PLXNA4: variants seen among roughly 807,000 people sequenced by gnomAD.
The protein encoded by PLXNA4 is plexin A4, also known as plexin-A4.
Under a neutral mutation model 191.8 loss-of-function variants are expected in PLXNA4, and 44 were observed. That is an observed-to-expected ratio of 0.23 (90% CI 0.18 to 0.29). The LOEUF is 0.29. PLXNA4 is among the 10% of genes least tolerant of loss of function. PLXNA4 has a pLI of 1.00. For missense variants in PLXNA4, 1,800 were observed against 2,488.8 expected (o/e 0.72, Z 5.89); for synonymous variants, 1,082 against 1,009.5 (o/e 1.07, Z -1.36).
intron 3 of PLXNA4, among the ~76,000 whole-genome samples, chr7:132,360,370 T>C (rs1803885582): frequency 6.6e-6 from 1 of 152,132 alleles, no homozygotes; most frequent in African/African-American, 2.4e-5. Context: ...ATATGCTCTG[T>C]CAATTATTCA....
chr7:132,295,957 A>G (rs1801062246), intron 4 of PLXNA4, among the ~76,000 whole-genome samples: 1 of 152,240 alleles, frequency 6.6e-6, no homozygotes, highest in Non-Finnish European at 1.5e-5. Flanking sequence ...AAGGTTAGGA[A>G]CTTACCAGAG....
intron 2 of PLXNA4, among the ~76,000 whole-genome samples, chr7:132,591,234 G>C (rs1477997933): frequency 3.3e-5 from 5 of 152,228 alleles, no homozygotes; most frequent in African/African-American, 1.2e-4. Context: ...CAGGGCCCAT[G>C]TTGGGGACAA....
intron 1 of PLXNA4, among the ~76,000 whole-genome samples, chr7:132,572,815 G>A (rs1411094935): frequency 6.6e-6 from 1 of 152,176 alleles, no homozygotes; most frequent in Non-Finnish European, 1.5e-5. Flanking sequence ...CTTTTAAAGA[G>A]ACAGTGTCCT....
At chr7:132,490,848 C>G (rs1252697260) in intron 2 of PLXNA4, among the ~76,000 whole-genome samples, 1 of 152,182 alleles carries the variant, frequency 6.6e-6, no homozygotes, top group African/African-American at 2.4e-5. Flanking sequence ...TTTCAGAAGT[C>G]AGGAAGCTTT....
intron 3 of PLXNA4, among the ~76,000 whole-genome samples, chr7:132,482,827 G>A (rs1797390798): frequency 6.6e-6 from 1 of 151,860 alleles, no homozygotes; most frequent in Non-Finnish European, 1.5e-5. Context: ...TGAGTAGCTG[G>A]GATTACAGGT....
rs7778553 is a variant in PLXNA4, at chr7:132,190,925, A to C, written c.2856+3137T>G. On this transcript the variant is annotated intron_variant, in intron 14 of 31. Transcript: ENST00000321063. ...AGTCAGATGTCTGGAGTCCCAGTAA[A>C]TGGGGTGGGGTGCAGGGCCTGTGGA... is the stretch of plus-strand genomic sequence containing the variant. 2.6e-4 allele frequency among the ~76,000 whole-genome samples: 39 copies of C among 152,174 alleles called. No individual in the cohort carries two copies. The East Asian group carries it at 7.4e-3, about 29-fold the overall frequency.
intron 1 of PLXNA4, among the ~76,000 whole-genome samples, chr7:132,544,040 G>T (rs1800190852): frequency 6.6e-6 from 1 of 152,198 alleles, no homozygotes; most frequent in South Asian, 2.1e-4. Flanking sequence ...AGGACAGAGG[G>T]AGAAAAGTAA....
chr7:132,416,641 T>A (rs937903904), intron 3 of PLXNA4, among the ~76,000 whole-genome samples: 3 of 152,222 alleles, frequency 2.0e-5, no homozygotes, highest in Admixed American at 2.0e-4. Flanking sequence ...TGCTGCATCT[T>A]CCTTTCTTAT....
intron 3 of PLXNA4, among the ~76,000 whole-genome samples, chr7:132,391,879 C>T (rs1474232795): frequency 6.6e-6 from 1 of 152,162 alleles, no homozygotes; most frequent in East Asian, 1.9e-4. Flanking sequence ...GTAATCCCAG[C>T]ACTTTGGGAG....
intron 3 of PLXNA4, among the ~76,000 whole-genome samples, chr7:132,305,545 T>A (rs1192647028): frequency 6.6e-6 from 1 of 152,128 alleles, no homozygotes; most frequent in East Asian, 1.9e-4. Context: ...CCTATCTCCA[T>A]CCCTGGCACG....
chr7:132,383,556 CT>C, intron 3 of PLXNA4: 2 of 983,246 alleles, frequency 2.0e-6, no homozygotes, highest in Non-Finnish European at 2.4e-6. Context: ...TTGTCTCATG[CT>C]TTTTCACTGA....
chr7:132,231,334 T>G (rs1798515261), intron 5 of PLXNA4, among the ~76,000 whole-genome samples: 1 of 152,224 alleles, frequency 6.6e-6, no homozygotes, highest in Non-Finnish European at 1.5e-5. Flanking sequence ...TCTTATCCTT[T>G]CTCTGACATC....
chr7:132,160,158 A>C (rs1435198938), intron 24 of PLXNA4, among the ~76,000 whole-genome samples: 1 of 152,176 alleles, frequency 6.6e-6, no homozygotes, highest in East Asian at 1.9e-4. Flanking sequence ...TCTTTCTCCA[A>C]ATATTTCACA....
At chr7:132,224,787 G>A (rs904321334) in intron 8 of PLXNA4, among the ~76,000 whole-genome samples, 6 of 152,152 alleles carry the variant, frequency 3.9e-5, no homozygotes, top group Non-Finnish European at 2.9e-5. Context: ...AGGGCCGGAT[G>A]CCTTCTTACT....
At chr7:132,405,058 ATGTGTGTGTGTGTATGTGTGTG>A (rs918029624) in intron 3 of PLXNA4, among the ~76,000 whole-genome samples, 1 of 66,812 alleles carries the variant, frequency 1.5e-5, no homozygotes, top group Admixed American at 2.0e-4. Context: ...AGCTGAGGGT[ATGTGTGTGTGTGTATGTGTGTG>A]TGTGTGTGTG....
At chr7:132,438,439 G>C (rs1187376267) in intron 3 of PLXNA4, among the ~76,000 whole-genome samples, 1 of 152,072 alleles carries the variant, frequency 6.6e-6, no homozygotes, top group African/African-American at 2.4e-5. Flanking sequence ...AAATAGGGTA[G>C]GTAGATACAT....
At chr7:132,644,460 C>T (rs1250034721) in intron 2 of PLXNA4, among the ~76,000 whole-genome samples, 1 of 152,210 alleles carries the variant, frequency 6.6e-6, no homozygotes, top group Non-Finnish European at 1.5e-5. Flanking sequence ...TTCTGCCTGG[C>T]AGCTTCTGCC....
At chr7:132,284,421 T>C (rs756749393) in intron 4 of PLXNA4, among the ~76,000 whole-genome samples, 2 of 152,212 alleles carry the variant, frequency 1.3e-5, no homozygotes, top group Admixed American at 6.5e-5. Flanking sequence ...CCCCACACTT[T>C]AATGAGAGTG....
intron 3 of PLXNA4, among the ~76,000 whole-genome samples, chr7:132,353,436 G>T (rs1024781771): frequency 1.4e-5 from 2 of 143,132 alleles, no homozygotes; most frequent in Non-Finnish European, 3.0e-5. Flanking sequence ...TGTGTACTCG[G>T]TTCTATGCAA....
Sources: gnomAD v4.1 joint callset for allele counts (sites outside exome capture counted in the v4.1 genomes callset) on GRCh38, gnomAD v4.1.1 for gene constraint, MANE v1.5 for transcripts, NCBI Gene and HGNC (gene_info 2026-07-23, HGNC 2026-07-21) for gene names.